ASMTL: variants seen among roughly 807,000 people sequenced by gnomAD.
The protein encoded by ASMTL is acetylserotonin O-methyltransferase like.
Under a neutral mutation model 60.3 loss-of-function variants are expected in ASMTL, and 57 were observed. The observed-to-expected ratio is 0.95, with a 90% CI of 0.76 to 1.18. The LOEUF is 1.18. ASMTL is among the 50% of genes most tolerant of loss of function. The probability of loss-of-function intolerance (pLI) is 0.00; values close to 1 mark genes in which losing one functional copy is unlikely to be tolerated. For missense variants in ASMTL, 981 were observed against 852.6 expected (o/e 1.15, Z -1.88); for synonymous variants, 419 against 373.0 (o/e 1.12, Z -1.42).
intron 12 of ASMTL, among the ~76,000 whole-genome samples, chrX:1,410,884 C>T (rs1312809111): frequency 2.6e-5 from 4 of 151,448 alleles, no homozygotes; most frequent in East Asian, 2.0e-4. Flanking sequence ...AGTGAGACCT[C>T]GTCTCAAAAA....
At chrX:1,453,157 C>G (rs1390325257), upstream of ASMTL, among the ~76,000 whole-genome samples, 1 of 151,436 alleles carries the variant, frequency 6.6e-6, no homozygotes, top group Non-Finnish European at 1.5e-5. Context: ...CCATTGCCCT[C>G]TCCGTCAGGC....
chrX:1,433,609 G>C (rs1319414401), intron 5 of ASMTL, among the ~76,000 whole-genome samples: 1 of 151,876 alleles, frequency 6.6e-6, no homozygotes, highest in South Asian at 2.1e-4. Context: ...GAACCCGGGA[G>C]GCGGAGCTTG....
At chrX:1,411,851 T>C (rs368370379) in intron 12 of ASMTL, among the ~76,000 whole-genome samples, 11 of 145,980 alleles carry the variant, frequency 7.5e-5, no homozygotes, top group African/African-American at 1.0e-4. Context: ...CTCGCTCTGT[T>C]ACCCAGGCTG....
chrX:1,453,645 A>T (rs1338088076), upstream of ASMTL: 2 of 144,956 alleles, frequency 1.4e-5, no homozygotes, highest in East Asian at 4.2e-4. Context: ...CGGCGCAGAG[A>T]TGGGGGTCTT....
chrX:1,419,852 G>C (rs1291712217), intron 9 of ASMTL, among the ~76,000 whole-genome samples: 1 of 152,302 alleles, frequency 6.6e-6, no homozygotes, highest in East Asian at 1.9e-4. Flanking sequence ...CACGCTGGCT[G>C]CTCACGCCAG....
At chrX:1,444,586 G>A (rs2091195100) in intron 1 of ASMTL, among the ~76,000 whole-genome samples, 2 of 152,156 alleles carry the variant, frequency 1.3e-5, no homozygotes, top group South Asian at 4.1e-4. Context: ...TACGGACAGA[G>A]GCCCTTTTGC....
intron 11 of ASMTL, among the ~76,000 whole-genome samples, chrX:1,416,438 A>AACACAG (rs1569532094): frequency 2.5e-5 from 2 of 80,490 alleles, no homozygotes; most frequent in African/African-American, 8.6e-5. Flanking sequence ...CACGCACATA[A>AACACAG]ACATAGACAT....
At chrX:1,418,852 G>C in intron 10 of ASMTL, 130 bp downstream of exon 10, 1 of 1,199,726 alleles carries the variant, frequency 8.3e-7, no homozygotes, top group Non-Finnish European at 1.2e-6. Flanking sequence ...CTGGGACTCA[G>C]CCTGGCCCGG....
intron 6 of ASMTL, among the ~76,000 whole-genome samples, chrX:1,429,106 G>A (rs1381758253): frequency 6.6e-6 from 1 of 151,726 alleles, no homozygotes; most frequent in Non-Finnish European, 1.5e-5. Context: ...TGTTGGCCAC[G>A]ATGGTCTCGA....
At chrX:1,417,255 CACCT>C (rs1309782971) in intron 11 of ASMTL, among the ~76,000 whole-genome samples, 25 of 150,924 alleles carry the variant, frequency 1.7e-4, no homozygotes, top group African/African-American at 2.5e-4. Flanking sequence ...TACACACACA[CACCT>C]ACCAGCACAC....
chrX:1,431,006 T>C (rs1367335064), intron 6 of ASMTL, among the ~76,000 whole-genome samples: 1 of 132,356 alleles, frequency 7.6e-6, no homozygotes, highest in Non-Finnish European at 1.5e-5. Context: ...TATTATTATG[T>C]AATATGTATT....
At position 1,452,860 on chromosome X, in the gene ASMTL, G is replaced by GGGCGTCCGCACTTCTGAGCCC. The variant is rs1569535375; in HGVS notation, c.-41_-21dup. ...CACCATGGCGTCCACGCCGGGAGCC[G>GGGCGTCCGCACTTCTGAGCCC]GGCGTCCGCACTTCTGAGCCCGGAG... On this transcript the variant is annotated 5_prime_UTR_variant, in exon 1 of 13. Transcript: ENST00000381317. 6 of 1,541,886 alleles carry GGGCGTCCGCACTTCTGAGCCC rather than the reference G, an allele frequency of 3.9e-6. No homozygotes were observed. The Admixed American group carries it at 9.4e-5, about 24-fold the overall frequency.
intron 11 of ASMTL, among the ~76,000 whole-genome samples, chrX:1,416,252 GAC>G (rs1163109988): frequency 1.3e-4 from 16 of 125,726 alleles, no homozygotes; most frequent in South Asian, 2.6e-4. Flanking sequence ...GGCACAGACA[GAC>G]ACGCACGGAC....
In ASMTL at chrX:1,403,426, A is replaced by G. The variant is rs768381423; in HGVS notation, c.1709T>C (p.Leu570Pro). The change falls in exon 13 of 13, where the codon CTG becomes CCG. Residue 570 changes from leucine (L) to proline (P), a missense_variant. Transcript: ENST00000381317. The stretch of plus-strand genomic sequence containing the variant: ...CACCAGCATGTTCAGTGACTGCATC[A>G]GGGCGCGCTGCGCCACCCTCTTCTC... Reference protein sequence around the residue: ...DEEKRVAQRALMQSLNMLVQT... With the variant: ...DEEKRVAQRAPMQSLNMLVQT... 16 of 1,613,138 alleles carry G rather than the reference A, an allele frequency of 9.9e-6. No homozygotes were observed. Among genetic ancestry groups the G allele is most frequent in the Middle Eastern group, 1.6e-4 (1 of 6,078 alleles).
intron 12 of ASMTL, among the ~76,000 whole-genome samples, chrX:1,408,221 G>A (rs1408454893): frequency 3.4e-4 from 20 of 59,488 alleles, no homozygotes; most frequent in African/African-American, 9.7e-4. Flanking sequence ...CAGGAGGATC[G>A]CTTGAGTGCA....
In ASMTL at chrX:1,452,790, C is replaced by T; in HGVS notation, c.51G>A (p.Leu17=). Residue 17 remains leucine, a synonymous_variant, in exon 1 of 13, where the codon CTG becomes CTA. Transcript: ENST00000381317. ...CCTGACGGCGTGGGGAGGCGCTGGC[C>T]AGCACCACGCGCTTGTGCAGCAGCT... ...IGKLLHKRVV[L]ASASPRRQEI... 1.4e-5 allele frequency: 23 copies of T among 1,597,496 alleles called. No homozygotes were observed. The highest frequency in any genetic ancestry group is 1.9e-5 in the Non-Finnish European group (22 of 1,177,660).
At chrX:1,425,234 G>T (rs745348603) in intron 8 of ASMTL, among the ~76,000 whole-genome samples, 1 of 152,280 alleles carries the variant, frequency 6.6e-6, no homozygotes, top group Non-Finnish European at 1.5e-5. Context: ...ATCAATGTCT[G>T]TGTACACCGT....
rs1415441214 is a variant in ASMTL at position 1,428,188 on chromosome X, G to C, written c.510-67C>G. On this transcript the variant is annotated intron_variant, in intron 6 of 12. Transcript: ENST00000381317. ...AAGTTCCTGGGTCTGAACATTTCAC[G>C]GCTGGGAGGCGGAGGTGGGTGGATC... is the stretch of plus-strand genomic sequence containing the variant. 3.3e-6 allele frequency: 5 copies of C among 1,527,940 alleles called. No homozygotes were observed. The Admixed American group carries it at 5.6e-5, about 17-fold the overall frequency. The allele number at this position is 1,527,940 out of a possible 1,614,324, so 94.6% of individuals were successfully genotyped here. A position where few individuals can be genotyped will look rare whatever the true frequency, so the allele number is the denominator to read the frequency against.
At chrX:1,426,271 A>G (rs28704573) in intron 7 of ASMTL, among the ~76,000 whole-genome samples, 101,497 of 151,866 alleles carry the variant, frequency 0.67, 34,909 homozygotes, top group South Asian at 0.86. Flanking sequence ...TTGTTTATAA[A>G]CCACCTGGTG....
Sources: gnomAD v4.1 joint callset for allele counts (sites outside exome capture counted in the v4.1 genomes callset) on GRCh38, gnomAD v4.1.1 for gene constraint, MANE v1.5 for transcripts, NCBI Gene and HGNC (gene_info 2026-07-23, HGNC 2026-07-21) for gene names.